Variants in KCNAB1 observed in about 807,000 individuals in gnomAD.
KCNAB1 encodes voltage-gated potassium channel subunit beta-1.
A neutral mutation model predicts 64.6 loss-of-function variants in KCNAB1; 35 were observed. That is an observed-to-expected ratio of 0.54 (90% CI 0.41 to 0.72). KCNAB1 has a LOEUF of 0.72. KCNAB1 is among the 30% of genes least tolerant of loss of function. The pLI is 0.00. For synonymous variants in KCNAB1, 177 were observed against 183.8 expected, an observed-to-expected ratio of 0.96 and a Z score of 0.30; for missense variants, 401 against 512.9, an observed-to-expected ratio of 0.78 and a Z score of 2.11.
chr3:156,210,346 C>A lies in KCNAB1; in HGVS notation c.275+89460C>A, dbSNP rs149813106. 3.9e-3 allele frequency among the ~76,000 whole-genome samples: 590 copies of A among 152,248 alleles called. 7 individuals are homozygous for A. Among genetic ancestry groups the A allele is most frequent in the South Asian group, 0.017 (84 of 4,802 alleles). On this transcript the variant is annotated intron_variant, in intron 1 of 13. Coordinates refer to ENST00000490337, the MANE Select transcript of KCNAB1 (RefSeq NM_172160.3). ...GATATGAATGTATACAGATCTCATTCTTAGTTTTCACACTATCCTGGGTTA... is the reference window on the plus strand; with the variant it reads ...GATATGAATGTATACAGATCTCATTATTAGTTTTCACACTATCCTGGGTTA...
At chr3:156,467,733 A>C (rs1357431) in intron 7 of KCNAB1, among the ~76,000 whole-genome samples, 1 of 151,880 alleles carries the variant, frequency 6.6e-6, no homozygotes, top group African/African-American at 2.4e-5. Flanking sequence ...AGTTTTTAGC[A>C]TTTTAAAGAA....
At chr3:156,307,132 C>T (rs1010478140) in intron 1 of KCNAB1, among the ~76,000 whole-genome samples, 3 of 152,112 alleles carry the variant, frequency 2.0e-5, no homozygotes, top group Non-Finnish European at 2.9e-5. Flanking sequence ...TAACTTGCTT[C>T]GTGTACATTT....
At chr3:156,157,783 G>A (rs1254680824) in intron 1 of KCNAB1, among the ~76,000 whole-genome samples, 1 of 152,012 alleles carries the variant, frequency 6.6e-6, no homozygotes, top group African/African-American at 2.4e-5. Flanking sequence ...ACAACAAAAA[G>A]AACAGGATGA....
At chr3:156,251,546 G>A (rs1717829198) in intron 1 of KCNAB1, among the ~76,000 whole-genome samples, 1 of 152,162 alleles carries the variant, frequency 6.6e-6, no homozygotes, top group Non-Finnish European at 1.5e-5. Flanking sequence ...GAGAGTAACT[G>A]TCAGGGCTCC....
At chr3:156,429,204 C>CTTA (rs1336501908) in intron 2 of KCNAB1, among the ~76,000 whole-genome samples, 2 of 152,214 alleles carry the variant, frequency 1.3e-5, no homozygotes, top group African/African-American at 4.8e-5. Context: ...AATACATTGT[C>CTTA]TTATCTGGAT....
intron 1 of KCNAB1, among the ~76,000 whole-genome samples, chr3:156,224,044 C>T (rs1467177922): frequency 1.3e-5 from 2 of 152,226 alleles, no homozygotes; most frequent in African/African-American, 2.4e-5. Flanking sequence ...GCATGGCGGG[C>T]TGCATGTCCT....
At chr3:156,171,874 C>A (rs1712016680) in intron 1 of KCNAB1, among the ~76,000 whole-genome samples, 1 of 152,176 alleles carries the variant, frequency 6.6e-6, no homozygotes, top group Non-Finnish European at 1.5e-5. Context: ...TTTTACAAAT[C>A]ACAGACTTCT....
chr3:156,136,634 C>T (rs905749630), intron 1 of KCNAB1, among the ~76,000 whole-genome samples: 1 of 152,198 alleles, frequency 6.6e-6, no homozygotes, highest in African/African-American at 2.4e-5. Context: ...ACCTCATCTC[C>T]CATCCTTTCG....
At chr3:156,296,468 C>A (rs1324588821) in intron 1 of KCNAB1, among the ~76,000 whole-genome samples, 1 of 148,538 alleles carries the variant, frequency 6.7e-6, no homozygotes, top group East Asian at 2.0e-4. Context: ...AACTCCCCCC[C>A]CCCCCACCTT....
chr3:156,332,697 T>A (rs1723426289), intron 1 of KCNAB1, among the ~76,000 whole-genome samples: 1 of 152,212 alleles, frequency 6.6e-6, no homozygotes, highest in Non-Finnish European at 1.5e-5. Flanking sequence ...CCCAGATGTC[T>A]GAGTTTTCTT....
intron 1 of KCNAB1, among the ~76,000 whole-genome samples, chr3:156,405,392 G>T (rs190097103): frequency 1.3e-5 from 2 of 152,178 alleles, no homozygotes; most frequent in African/African-American, 4.8e-5. Flanking sequence ...ACAAGGGTTC[G>T]TCTTACCCAT....
chr3:156,527,816 C>T (rs776588729), intron 12 of KCNAB1, among the ~76,000 whole-genome samples: 4 of 152,130 alleles, frequency 2.6e-5, no homozygotes, highest in East Asian at 1.9e-4. Context: ...AGGGATCCTC[C>T]GGCAGAAAGC....
intron 1 of KCNAB1, among the ~76,000 whole-genome samples, chr3:156,344,296 C>A (rs183723992): frequency 1.3e-5 from 2 of 152,174 alleles, no homozygotes; most frequent in Non-Finnish European, 2.9e-5. Context: ...ATTTGCCTTG[C>A]GACAAAGAAC....
At chr3:156,310,000 A>G (rs1281833692) in intron 1 of KCNAB1, among the ~76,000 whole-genome samples, 1 of 152,210 alleles carries the variant, frequency 6.6e-6, no homozygotes, top group Non-Finnish European at 1.5e-5. Flanking sequence ...TACCTCCAAC[A>G]GGGCTTGTTG....
chr3:156,427,197 G>A (rs1022505307), intron 2 of KCNAB1, among the ~76,000 whole-genome samples: 11 of 152,160 alleles, frequency 7.2e-5, no homozygotes, highest in Non-Finnish European at 1.6e-4. Context: ...AGACACAGGA[G>A]GGAGCTGTGA....
intron 11 of KCNAB1, among the ~76,000 whole-genome samples, chr3:156,520,869 G>C (rs542037350): frequency 1.2e-4 from 19 of 152,286 alleles, no homozygotes; most frequent in African/African-American, 4.6e-4. Context: ...TCTAGACAGT[G>C]TTCAGAACTG....
chr3:156,382,914 AGACT>A (rs895126226), intron 1 of KCNAB1, among the ~76,000 whole-genome samples: 1 of 152,256 alleles, frequency 6.6e-6, no homozygotes, highest in African/African-American at 2.4e-5. Flanking sequence ...AACCTAGCTT[AGACT>A]GACTGATAAC....
intron 1 of KCNAB1, among the ~76,000 whole-genome samples, chr3:156,237,859 T>A (rs1716936456): frequency 6.6e-6 from 1 of 152,198 alleles, no homozygotes. Context: ...GTCTGTCTTC[T>A]CCACCACAGT....
intron 1 of KCNAB1, among the ~76,000 whole-genome samples, chr3:156,149,846 C>A (rs1309412286): frequency 6.6e-6 from 1 of 152,164 alleles, no homozygotes; most frequent in East Asian, 1.9e-4. Context: ...CTCCAAACCC[C>A]ACCAAAAACA....
Sources: allele counts gnomAD v4.1 joint callset (sites outside exome capture counted in the v4.1 genomes callset), GRCh38; gene constraint gnomAD v4.1.1; transcripts MANE v1.5; gene names NCBI Gene and HGNC (gene_info 2026-07-23, HGNC 2026-07-21).